Variants in QTGAL observed in about 807,000 individuals in gnomAD.
QTGAL encodes queuosine-tRNA galactosyltransferase, also known as BGnT-like protein 1.
At chr17:83,001,580 T>C in the QTGAL span, among the ~76,000 whole-genome samples, 336 of 112,742 alleles carry the variant, frequency 3.0e-3, 2 homozygotes, top group Admixed American at 0.012. Flanking sequence ...AACCAGTCTA[T>C]GGTCACAGAA....
the QTGAL span, among the ~76,000 whole-genome samples, chr17:82,951,599 C>G: frequency 2.0e-5 from 3 of 152,140 alleles, no homozygotes; most frequent in Non-Finnish European, 4.4e-5. Flanking sequence ...CTTGGCTAAC[C>G]GTTAGGCTGA....
the QTGAL span, among the ~76,000 whole-genome samples, chr17:83,042,811 C>T: frequency 1.3e-5 from 2 of 152,206 alleles, no homozygotes; most frequent in Non-Finnish European, 2.9e-5. Flanking sequence ...GAGGAATTCA[C>T]TTCAGATCCA....
At chr17:82,982,393 G>A in the QTGAL span, among the ~76,000 whole-genome samples, 1 of 148,996 alleles carries the variant, frequency 6.7e-6, no homozygotes, top group Non-Finnish European at 1.5e-5. Flanking sequence ...TCCAATGGAG[G>A]TCTTATGTCC....
At chr17:82,975,832 G>A in the QTGAL span, among the ~76,000 whole-genome samples, 1 of 93,098 alleles carries the variant, frequency 1.1e-5, no homozygotes. Flanking sequence ...CCACTTATGG[G>A]GAAACAGGGC....
chr17:82,957,611 C>T, the QTGAL span: 15 of 1,357,130 alleles, frequency 1.1e-5, no homozygotes, highest in Non-Finnish European at 1.3e-5. Flanking sequence ...GGACACCTGG[C>T]CCAATGCCTA....
chr17:83,019,996 A>C, the QTGAL span, among the ~76,000 whole-genome samples: 1 of 152,202 alleles, frequency 6.6e-6, no homozygotes, highest in Admixed American at 6.5e-5. Flanking sequence ...GGCCTCCCAA[A>C]GTGCTGGGAT....
At chr17:83,022,112 C>A in the QTGAL span, among the ~76,000 whole-genome samples, 1 of 152,232 alleles carries the variant, frequency 6.6e-6, no homozygotes, top group Admixed American at 6.5e-5. Flanking sequence ...ATGAAGAAAA[C>A]TTTGGGGCAG....
At chr17:82,942,817 C>T in the QTGAL span, 3 of 388,020 alleles carry the variant, frequency 7.7e-6, no homozygotes, top group African/African-American at 4.2e-5. Flanking sequence ...GGAGACCAGG[C>T]CCCCTTCTTG....
the QTGAL span, among the ~76,000 whole-genome samples, chr17:83,037,674 A>G: frequency 6.6e-6 from 1 of 152,234 alleles, no homozygotes; most frequent in Admixed American, 6.5e-5. The surrounding 1 kb of genome is among the most constrained non-coding windows in gnomAD (Gnocchi z 5.2). Context: ...AAGGGCCGGA[A>G]GGGGCCTTCC....
At chr17:82,943,144 G>A in the QTGAL span, 38,073 of 152,588 alleles carry the variant, frequency 0.25, 4,958 homozygotes, top group East Asian at 0.44. Context: ...TCCAATGTGT[G>A]CCTCTACAGT....
chr17:83,013,761 G>A, the QTGAL span, among the ~76,000 whole-genome samples: 13 of 152,154 alleles, frequency 8.5e-5, no homozygotes, highest in South Asian at 2.1e-4. Context: ...CCCGGGGGAC[G>A]GACACTGTGG....
At chr17:82,956,719 T>TG in the QTGAL span, 3 of 1,587,928 alleles carry the variant, frequency 1.9e-6, no homozygotes, top group South Asian at 3.5e-5. This position sits in a 1 kb window ranked among gnomAD's most constrained non-coding sequence, Gnocchi z 5.7. Flanking sequence ...TGACGAAGGG[T>TG]GGCCGGGCGG....
chr17:82,990,572 T>C, the QTGAL span, among the ~76,000 whole-genome samples: 7 of 152,264 alleles, frequency 4.6e-5, no homozygotes, highest in African/African-American at 1.7e-4. Context: ...TACAGAAGAC[T>C]TGATGGCACC....
At chr17:82,980,774 G>A in the QTGAL span, among the ~76,000 whole-genome samples, 1 of 152,174 alleles carries the variant, frequency 6.6e-6, no homozygotes, top group Non-Finnish European at 1.5e-5. Context: ...CGTCCCTTTG[G>A]GTTACTGTAC....
the QTGAL span, among the ~76,000 whole-genome samples, chr17:82,958,986 TG>T: frequency 1.5e-5 from 1 of 66,608 alleles, no homozygotes; most frequent in Non-Finnish European, 2.8e-5. Context: ...TGGGGGTGTA[TG>T]GTGTGTGTGT....
chr17:83,043,936 C>G, the QTGAL span, among the ~76,000 whole-genome samples: 1 of 151,680 alleles, frequency 6.6e-6, no homozygotes, highest in Non-Finnish European at 1.5e-5. Flanking sequence ...AAAATTGACT[C>G]AAGAAGAAAT....
the QTGAL span, among the ~76,000 whole-genome samples, chr17:82,974,968 T>C: frequency 9.0e-6 from 1 of 111,360 alleles, no homozygotes; most frequent in South Asian, 2.6e-4. Context: ...CGGAGGCCAC[T>C]ATGGAGAGTC....
the QTGAL span, among the ~76,000 whole-genome samples, chr17:82,970,550 G>A: frequency 0.33 from 29,776 of 90,088 alleles, 5,424 homozygotes; most frequent in African/African-American, 0.43. Context: ...CTCCGCACCC[G>A]GCGTGGCCGC....
At chr17:82,960,878 G>A in the QTGAL span, among the ~76,000 whole-genome samples, 3 of 152,234 alleles carry the variant, frequency 2.0e-5, no homozygotes, top group Non-Finnish European at 2.9e-5. Flanking sequence ...CTTCGTGGAC[G>A]CCGAATCCCC....
Sources: gnomAD v4.1 joint callset for allele counts (sites outside exome capture counted in the v4.1 genomes callset) on GRCh38, gnomAD v4.1.1 for gene constraint, Gnocchi (gnomAD v3.1) non-coding constraint, MANE v1.5 for transcripts, NCBI Gene and HGNC (gene_info 2026-07-23, HGNC 2026-07-21) for gene names.